OTUD5: variants seen among roughly 807,000 people sequenced by gnomAD.
OTUD5 encodes the protein OTU deubiquitinase 5.
A neutral mutation model predicts 36.3 loss-of-function variants in OTUD5; 2 were observed. The ratio of observed to expected loss-of-function variants is 0.06; its 90% confidence interval spans 0.02 to 0.17. The LOEUF (loss-of-function observed/expected upper bound fraction) is 0.17, where lower values mean the gene tolerates loss of function less well. Among genes scored for constraint, OTUD5 ranks in the 10% least tolerant of loss-of-function variants. The probability of loss-of-function intolerance (pLI) is 1.00; values close to 1 mark genes in which losing one functional copy is unlikely to be tolerated. For synonymous variants in OTUD5, 234 were observed against 214.9 expected (o/e 1.09, Z -0.78); for missense variants, 233 against 512.3 (o/e 0.45, Z 5.26).
chrX:48,946,844 G>A (rs1281027096), intron 1 of OTUD5, among the ~76,000 whole-genome samples: 1 of 112,174 alleles, frequency 8.9e-6, no homozygotes, highest in East Asian at 2.8e-4. Context: ...TTGGAGAGAG[G>A]GGAAAAAGAG....
chrX:48,929,590 G>T (rs781985849), intron 5 of OTUD5, among the ~76,000 whole-genome samples: 8 of 107,251 alleles, frequency 7.5e-5, no homozygotes, highest in Admixed American at 2.0e-4. Flanking sequence ...GTGTGGTAGT[G>T]CATGCCTGTA....
At chrX:48,939,469 C>T (rs891317073) in intron 2 of OTUD5, among the ~76,000 whole-genome samples, 9 of 111,895 alleles carry the variant, frequency 8.0e-5, no homozygotes, top group African/African-American at 2.9e-4. Context: ...TATAGAAATG[C>T]ACATGTGTAT....
At chrX:48,928,826 C>CAAAAAAAA (rs782401982) in intron 5 of OTUD5, among the ~76,000 whole-genome samples, 1 of 63,562 alleles carries the variant, frequency 1.6e-5, no homozygotes, top group Non-Finnish European at 2.7e-5. Flanking sequence ...TACACTGTCT[C>CAAAAAAAA]AAAAAAAAAA....
At chrX:48,951,999 C>CAACCT (rs1557054067) in intron 1 of OTUD5, among the ~76,000 whole-genome samples, 2 of 109,309 alleles carry the variant, frequency 1.8e-5, no homozygotes, top group East Asian at 5.8e-4. Flanking sequence ...GAGGTTGCAG[C>CAACCT]GACCTGAGAT....
At chrX:48,941,653 A>C (rs782658458) in intron 2 of OTUD5, among the ~76,000 whole-genome samples, 42 of 110,316 alleles carry the variant, frequency 3.8e-4, no homozygotes, top group Admixed American at 9.7e-5. Context: ...TCAAGGAAAC[A>C]GTGCCCTCTA....
chrX:48,943,153 T>G (rs1308093033), intron 2 of OTUD5, among the ~76,000 whole-genome samples: 2 of 111,424 alleles, frequency 1.8e-5, no homozygotes, highest in Non-Finnish European at 3.8e-5. Flanking sequence ...AGCTCAAAGC[T>G]CCTATCAGAG....
chrX:48,948,662 GT>G lies in OTUD5; in HGVS notation c.595-4380del, dbSNP rs782194328. Among the ~76,000 whole-genome samples, 4 of 110,232 alleles carry G rather than the reference GT, an allele frequency of 3.6e-5. No homozygotes were observed. The East Asian group carries it at 1.1e-3, about 32-fold the overall frequency. The stretch of plus-strand genomic sequence containing the variant: ...GGCTTTGTCATCAGCAGCCTGAGGA[GT>G]TTGGGCTCTGGCCCTTCTCTTTCTC... On this transcript the variant is annotated intron_variant, in intron 1 of 8. Transcript: ENST00000376488.
intron 1 of OTUD5, among the ~76,000 whole-genome samples, chrX:48,946,105 T>C (rs1197472883): frequency 4.5e-5 from 5 of 111,160 alleles, no homozygotes; most frequent in Non-Finnish European, 9.4e-5. Flanking sequence ...AGGCCATTTT[T>C]CCCCAGCTCA....
chrX:48,957,725 A>AGGAGGC (rs1378330485), upstream of OTUD5: 2 of 375,260 alleles, frequency 5.3e-6, no homozygotes, highest in African/African-American at 5.7e-5. Context: ...TCGGCGGCGG[A>AGGAGGC]GGAGGCGGCG....
intron 1 of OTUD5, 94 bp from the exon 2 acceptor site, chrX:48,944,377 CAGAG>C: frequency 7.3e-6 from 4 of 546,309 alleles, no homozygotes; most frequent in Non-Finnish European, 1.3e-5. Flanking sequence ...AGATCATTGA[CAGAG>C]AGGACGCTGG....
Position 48,923,022 on chromosome X carries a change from T to C in OTUD5, c.*152A>G. 1 of 1,121,681 alleles carries C rather than the reference T, an allele frequency of 8.9e-7. No individual in the cohort carries two copies. Among genetic ancestry groups the C allele is most frequent in the Admixed American group, 2.7e-5 (1 of 36,667 alleles). 92.4% of individuals were successfully genotyped at this position (1,121,681 alleles called of 1,213,427 possible). A position where few individuals can be genotyped will look rare whatever the true frequency, so the allele number is the denominator to read the frequency against. Reference sequence around the variant, plus strand: ...GCGGCAATGAGAGAGAGTGCAGGGGTGGGCTAGCCAGAGGGAAGTGAGGAG... The same window carrying C: ...GCGGCAATGAGAGAGAGTGCAGGGGCGGGCTAGCCAGAGGGAAGTGAGGAG... On this transcript the variant is annotated 3_prime_UTR_variant, in exon 9 of 9. Transcript: ENST00000376488.
intron 2 of OTUD5, among the ~76,000 whole-genome samples, chrX:48,940,994 C>T (rs2063909922): frequency 9.0e-6 from 1 of 111,413 alleles, no homozygotes; most frequent in South Asian, 3.7e-4. Context: ...AGGCAGAAAG[C>T]CACCTGCCTC....
rs2063658274 is a variant in OTUD5 at position 48,925,826 on chromosome X, GTGACAGAGTCCA to G, written c.1263+9_1263+20del. ...AAGTAATGAGTTTTTGGCCAAGCCT[GTGACAGAGTCCA>G]TGACCCACCTGGCTGGGGCCTCGGA... On this transcript the variant is annotated intron_variant, in intron 6 of 8. Coordinates refer to ENST00000376488, the MANE Select transcript of OTUD5 (RefSeq NM_001136157.2). 7.6e-6 allele frequency: 9 copies of G among 1,182,814 alleles called. No homozygotes were observed. The highest frequency in any genetic ancestry group is 1.0e-5 in the Non-Finnish European group (9 of 874,253).
chrX:48,929,792 A>C (rs1557048452), intron 5 of OTUD5, among the ~76,000 whole-genome samples: 1 of 109,851 alleles, frequency 9.1e-6, no homozygotes, highest in Admixed American at 9.7e-5. Context: ...ACAAAATAAT[A>C]CAAATGTATT....
In OTUD5 at chrX:48,944,719, G is replaced by C. The variant is rs1162698512; in HGVS notation, c.595-436C>G. Among the ~76,000 whole-genome samples, 6 of 112,452 alleles carry C rather than the reference G, an allele frequency of 5.3e-5. No individual in the cohort carries two copies. The Admixed American group carries it at 5.6e-4, about 11-fold the overall frequency. ...AGATCCTGAACCTGACAAAGGGCTAGAGGATTCCAAGATATGCTGTAGGCC... is the reference window on the plus strand; with the variant it reads ...AGATCCTGAACCTGACAAAGGGCTACAGGATTCCAAGATATGCTGTAGGCC... On this transcript the variant is annotated intron_variant, in intron 1 of 8. Transcript: ENST00000376488.
chrX:48,951,129 C>T (rs2064133937), intron 1 of OTUD5, among the ~76,000 whole-genome samples: 1 of 96,044 alleles, frequency 1.0e-5, no homozygotes, highest in South Asian at 5.2e-4. Context: ...GATGAGCTGC[C>T]ACTGAAGTGG....
intron 5 of OTUD5, among the ~76,000 whole-genome samples, chrX:48,929,394 T>A (rs1341428996): frequency 1.0e-5 from 1 of 99,643 alleles, no homozygotes; most frequent in Non-Finnish European, 2.0e-5. Flanking sequence ...TCTCAAAAAA[T>A]AAATAAATAA....
rs369860555 is a variant in OTUD5, at chrX:48,929,899, T to C, written c.1060-3849A>G. Among the ~76,000 whole-genome samples, 49 of 110,312 alleles carry C rather than the reference T, an allele frequency of 4.4e-4. No homozygotes were observed. In the South Asian group the frequency reaches 0.014, roughly 32 times the overall value. ...CGGGCGGATCACGAGGTCAGGAGAT[T>C]GAGACCATCCTGGCTAAGACGGTGA... is the stretch of plus-strand genomic sequence containing the variant. On this transcript the variant is annotated intron_variant, in intron 5 of 8. Transcript: ENST00000376488.
Position 48,957,190 on chromosome X carries a change from C to A in OTUD5, c.381G>T (p.Ala127=), listed in dbSNP as rs1338024610. Residue 127 remains alanine (A), a synonymous_variant, in exon 1 of 9, where the codon GCG becomes GCT. Transcript: ENST00000376488. ...LGAAAAGVGA[A]GVVVGVGGAV... Reference sequence around the variant, plus strand: ...CACCACCCACACCCACCACCACGCCCGCGGCACCCACACCCGCCGCCGCTG... The same window carrying A: ...CACCACCCACACCCACCACCACGCCAGCGGCACCCACACCCGCCGCCGCTG... The A allele has an allele frequency of 8.9e-7, 1 of 1,120,351 alleles. No individual in the cohort carries two copies. The highest frequency in any genetic ancestry group is 2.1e-5 in the South Asian group (1 of 48,013). 92.3% of individuals were successfully genotyped at this position (1,120,351 alleles called of 1,213,427 possible).
Sources: allele counts gnomAD v4.1 joint callset (sites outside exome capture counted in the v4.1 genomes callset), GRCh38; gene constraint gnomAD v4.1.1; transcripts MANE v1.5; gene names NCBI Gene and HGNC (gene_info 2026-07-23, HGNC 2026-07-21).